The following SLC7A8 variants were observed in gnomAD, a reference collection of about 807,000 sequenced individuals.
SLC7A8 encodes the protein solute carrier family 7 member 8.
In SLC7A8, 30 loss-of-function variants were observed where a neutral mutation model predicts 51.2. The ratio of observed to expected loss-of-function variants is 0.59; its 90% CI spans 0.44 to 0.80. The LOEUF (loss-of-function observed/expected upper bound fraction) is 0.80, where lower values mean the gene tolerates loss of function less well. SLC7A8 is among the 30% of genes least tolerant of loss of function. The probability of loss-of-function intolerance (pLI) is 0.00; values close to 1 mark genes in which losing one functional copy is unlikely to be tolerated. For missense variants in SLC7A8, 612 were observed against 674.4 expected (o/e 0.91, Z 1.03); for synonymous variants, 257 against 275.8 (o/e 0.93, Z 0.67).
chr14:23,145,415 T>C (rs1430223787), intron 3 of SLC7A8, among the ~76,000 whole-genome samples: 2 of 150,850 alleles, frequency 1.3e-5, no homozygotes, highest in Admixed American at 6.6e-5. Context: ...TAATCCCAGC[T>C]ACTCAGGAGG....
At chr14:23,135,504 C>T (rs1192290408) in intron 7 of SLC7A8, among the ~76,000 whole-genome samples, 4 of 151,368 alleles carry the variant, frequency 2.6e-5, no homozygotes, top group Admixed American at 6.6e-5. Flanking sequence ...AGATCAAGAC[C>T]GTCCTGGCTA....
At chr14:23,137,132 A>G (rs2048697691) in intron 7 of SLC7A8, among the ~76,000 whole-genome samples, 1 of 152,194 alleles carries the variant, frequency 6.6e-6, no homozygotes. Context: ...GTCATTCAAC[A>G]TCTGCTAGCC....
At chr14:23,162,844 C>T (rs892527060) in intron 3 of SLC7A8, among the ~76,000 whole-genome samples, 1 of 152,128 alleles carries the variant, frequency 6.6e-6, no homozygotes, top group African/African-American at 2.4e-5. Context: ...AACCTGTGGC[C>T]TGGCTCCTCT....
At chr14:23,176,035 G>A (rs1006631223) in intron 1 of SLC7A8, among the ~76,000 whole-genome samples, 2 of 152,152 alleles carry the variant, frequency 1.3e-5, no homozygotes, top group African/African-American at 2.4e-5. Context: ...GAACCAAATC[G>A]TAATCCCTCT....
intron 1 of SLC7A8, among the ~76,000 whole-genome samples, chr14:23,180,641 G>T (rs1877129590): frequency 6.6e-6 from 1 of 152,248 alleles, no homozygotes; most frequent in East Asian, 1.9e-4. Context: ...TTCTCCCATT[G>T]AAGTACCATC....
intron 3 of SLC7A8, among the ~76,000 whole-genome samples, chr14:23,145,168 C>G (rs1226627994): frequency 6.6e-6 from 1 of 151,310 alleles, no homozygotes; most frequent in African/African-American, 2.4e-5. Context: ...GATCCTCAGC[C>G]TCCCAAAGTG....
intron 3 of SLC7A8, chr14:23,154,387 C>T (rs2048873241): frequency 2.0e-6 from 2 of 997,784 alleles, no homozygotes; most frequent in Non-Finnish European, 2.4e-6. Flanking sequence ...GTCTGGGTGC[C>T]CAGGCTGGAG....
chr14:23,180,903 T>C (rs1447552527), intron 1 of SLC7A8, among the ~76,000 whole-genome samples: 1 of 152,084 alleles, frequency 6.6e-6, no homozygotes, highest in Non-Finnish European at 1.5e-5. Flanking sequence ...GGTGGGCGCC[T>C]GTAGTCCCAG....
At chr14:23,169,684 G>A (rs1479143496) in intron 1 of SLC7A8, among the ~76,000 whole-genome samples, 1 of 152,198 alleles carries the variant, frequency 6.6e-6, no homozygotes, top group Admixed American at 6.5e-5. Context: ...TAGGATTACA[G>A]GTGTGAGCCA....
At chr14:23,130,814 C>A (rs6572983) in intron 8 of SLC7A8, among the ~76,000 whole-genome samples, 12,457 of 152,182 alleles carry the variant, frequency 0.082, 546 homozygotes, top group African/African-American at 0.11. Flanking sequence ...TATTCAGGAT[C>A]CAGAAGGAAA....
chr14:23,144,683 T>C (rs2048775786), intron 3 of SLC7A8, among the ~76,000 whole-genome samples: 2 of 152,168 alleles, frequency 1.3e-5, no homozygotes, highest in Non-Finnish European at 2.9e-5. Context: ...ATTAACCGTC[T>C]GTAACCTTCC....
chr14:23,144,318 T>C (rs1167806367), intron 3 of SLC7A8, among the ~76,000 whole-genome samples: 1 of 151,624 alleles, frequency 6.6e-6, no homozygotes, highest in African/African-American at 2.4e-5. Context: ...TTCCCAGCAT[T>C]TGGTATTGTC....
At position 23,166,442 on chromosome 14, in the gene SLC7A8, A is replaced by G. The variant is rs777088828; in HGVS notation, c.250T>C (p.Phe84Leu). The change falls in exon 2 of 11, where the codon TTC (phenylalanine) becomes CTC (leucine). Residue 84 changes from phenylalanine (F) to leucine (L), a missense_variant. By Grantham distance (22) the Phe-to-Leu change is conservative. Coordinates refer to ENST00000316902, the MANE Select transcript of SLC7A8 (RefSeq NM_012244.4). The part of the protein sequence containing the change: ...LALIVWIVTG[F>L]ITVVGALCYA... ...CAGAGGGCTCCCACAACTGTGATGA[A>G]GCCCGTCACAATCCAGACGATGAGA... 7 of 1,614,174 alleles carry G rather than the reference A, an allele frequency of 4.3e-6. No individual in the cohort carries two copies. Among genetic ancestry groups the G allele is most frequent in the Non-Finnish European group, 5.9e-6 (7 of 1,180,026 alleles).
chr14:23,172,000 C>G (rs1472770137), intron 1 of SLC7A8, among the ~76,000 whole-genome samples: 1 of 152,200 alleles, frequency 6.6e-6, no homozygotes, highest in African/African-American at 2.4e-5. Flanking sequence ...AGACTTAGAG[C>G]TGGAGGAGAA....
At chr14:23,132,678 C>T (rs1403880423) in intron 7 of SLC7A8, among the ~76,000 whole-genome samples, 1 of 151,444 alleles carries the variant, frequency 6.6e-6, no homozygotes, top group African/African-American at 2.4e-5. Context: ...TCTTGTTGCC[C>T]AGGCTGGAGT....
chr14:23,132,618 A>C (rs1594817308), intron 7 of SLC7A8, among the ~76,000 whole-genome samples: 1 of 152,166 alleles, frequency 6.6e-6, no homozygotes, highest in East Asian at 1.9e-4. Flanking sequence ...AACTCATCAA[A>C]ATGAACATTT....
Position 23,126,371 on chromosome 14 carries a change from G to A in SLC7A8, c.*806C>T, listed in dbSNP as rs1439778316. Reference sequence around the variant, plus strand: ...TGCTCCTTCCTGCGGCGGGCAGGTGGAGTTGCTGAGCAGCTTCGTCATTAG... The same window carrying A: ...TGCTCCTTCCTGCGGCGGGCAGGTGAAGTTGCTGAGCAGCTTCGTCATTAG... On this transcript the variant is annotated 3_prime_UTR_variant, in exon 11 of 11. Coordinates refer to ENST00000316902, the MANE Select transcript of SLC7A8 (RefSeq NM_012244.4). 1 of 152,800 alleles carries A rather than the reference G, an allele frequency of 6.5e-6. No homozygotes were observed. The highest frequency in any genetic ancestry group is 1.5e-5 in the Non-Finnish European group (1 of 68,148). 9.5% of individuals were successfully genotyped at this position (152,800 alleles called of 1,614,324 possible).
rs748372286 is a variant in SLC7A8, at chr14:23,160,052, T to C, written c.508+5233A>G. Reference sequence around the variant, plus strand: ...TGCTGGACATGACTCCAACCCCAAATGAGAGGAAGGAGGCCAGGAGGGGAC... The same window carrying C: ...TGCTGGACATGACTCCAACCCCAAACGAGAGGAAGGAGGCCAGGAGGGGAC... On this transcript the variant is annotated intron_variant, in intron 3 of 10. Coordinates refer to ENST00000316902, the MANE Select transcript of SLC7A8 (RefSeq NM_012244.4). Among the ~76,000 whole-genome samples the C allele has an allele frequency of 2.0e-5, 3 of 151,920 alleles. No homozygotes were observed. The South Asian group carries it at 6.2e-4, about 32-fold the overall frequency.
At chr14:23,130,409 A>C (rs1248936854) in intron 8 of SLC7A8, among the ~76,000 whole-genome samples, 2 of 152,118 alleles carry the variant, frequency 1.3e-5, no homozygotes, top group Non-Finnish European at 2.9e-5. Context: ...CCAACTTCAA[A>C]ATCATCTCTG....
Sources: gnomAD v4.1 joint callset for allele counts (sites outside exome capture counted in the v4.1 genomes callset) on GRCh38, gnomAD v4.1.1 for gene constraint, MANE v1.5 for transcripts, NCBI Gene and HGNC (gene_info 2026-07-23, HGNC 2026-07-21) for gene names.